IGSF22: variants seen among roughly 807,000 people sequenced by gnomAD.
The protein encoded by IGSF22 is immunoglobulin superfamily member 22.
Under a neutral mutation model 127.0 loss-of-function variants are expected in IGSF22, and 119 were observed. The ratio of observed to expected loss-of-function variants is 0.94; its 90% CI spans 0.81 to 1.09. The LOEUF (loss-of-function observed/expected upper bound fraction) is 1.09, where lower values mean the gene tolerates loss of function less well. IGSF22 is among the 50% of genes least tolerant of loss of function. IGSF22 has a pLI of 0.00. For missense variants in IGSF22, 1,518 were observed against 1,716.6 expected (o/e 0.88, Z 2.04); for synonymous variants, 568 against 664.7 (o/e 0.85, Z 2.24).
chr11:18,713,972 C>T lies in IGSF22; in HGVS notation c.1975G>A (p.Gly659Arg), dbSNP rs200703300. ...ATGGTGAGCAGTGCCTGGTCTTCCC[C>T]GCGCTCCATGGACACGCGTTCCTCC... ...TEEERVSMER[G>R]EDQALLTISN... Residue 659 changes from glycine (G) to arginine (R), a missense_variant, in exon 14 of 23, where the codon GGG becomes AGG. Coordinates refer to ENST00000513874, the MANE Select transcript of IGSF22 (RefSeq NM_173588.4). 3.8e-4 allele frequency: 606 copies of T among 1,614,154 alleles called. No homozygotes were observed. The highest frequency in any genetic ancestry group is 4.7e-4 in the Non-Finnish European group (549 of 1,180,062).
chr11:18,715,829 TGA>T, intron 10 of IGSF22, 113 bp from the exon 11 acceptor site: 1 of 1,143,644 alleles, frequency 8.7e-7, no homozygotes, highest in Non-Finnish European at 1.2e-6. Context: ...CAAGAACTTG[TGA>T]TGCTGAATGT....
chr11:18,720,956 A>C (rs898709315), intron 4 of IGSF22, among the ~76,000 whole-genome samples: 1 of 152,192 alleles, frequency 6.6e-6, no homozygotes, highest in Non-Finnish European at 1.5e-5. Flanking sequence ...GATCATAAGT[A>C]ATTATAGGCC....
chr11:18,715,769 T>A, intron 10 of IGSF22, 53 bp from the exon 11 acceptor site: 1 of 1,560,562 alleles, frequency 6.4e-7, no homozygotes, highest in Middle Eastern at 1.7e-4. Flanking sequence ...ATCTTTTTTC[T>A]GCAGCTATAG....
At position 18,716,504 on chromosome 11, in the gene IGSF22, T is replaced by C. The variant is rs952490396; in HGVS notation, c.1246+224A>G. On this transcript the variant is annotated intron_variant, in intron 10 of 22. Transcript: ENST00000513874. The surrounding 1 kb of genome is among the most constrained non-coding windows in gnomAD (Gnocchi z 4.5). ...AGCTGATAATAAGACCCAGTGTGTC[T>C]TGACTCGTGGAATAATAACTGCTAT... Among the ~76,000 whole-genome samples the C allele has an allele frequency of 1.3e-5, 2 of 152,182 alleles. No individual in the cohort carries two copies. The highest frequency in any genetic ancestry group is 4.8e-5 in the African/African-American group (2 of 41,434).
rs1397563736 is a variant in IGSF22 at position 18,719,835 on chromosome 11, C to G, written c.577G>C (p.Glu193Gln). Residue 193 changes from glutamate to glutamine, a missense_variant, in exon 7 of 23, where the codon GAG (glutamate) becomes CAG (glutamine). By Grantham distance (29) the Glu-to-Gln change is conservative. Coordinates refer to ENST00000513874, the MANE Select transcript of IGSF22 (RefSeq NM_173588.4). ...TTCTTGGGCACTTTGGACAAAATCT[C>G]CAGCATCTCTTTCTCATTTGCCACC... ...KKVANEKEML[E>Q]ILSKVPKKDF... 5 of 1,614,208 alleles carry G rather than the reference C, an allele frequency of 3.1e-6. No individual in the cohort carries two copies. Among genetic ancestry groups the G allele is most frequent in the Middle Eastern group, 1.6e-4 (1 of 6,062 alleles).
At chr11:18,715,260 G>T (rs1848440177) in intron 11 of IGSF22, among the ~76,000 whole-genome samples, 172 bp downstream of exon 11, 1 of 151,986 alleles carries the variant, frequency 6.6e-6, no homozygotes, top group African/African-American at 2.4e-5. Flanking sequence ...GGCATGAGAG[G>T]TCAGAGATGG....
At position 18,714,487 on chromosome 11, in the gene IGSF22, C is replaced by T. The variant is rs752553036; in HGVS notation, c.1656+13G>A. 5 of 1,614,242 alleles carry T rather than the reference C, an allele frequency of 3.1e-6. No homozygotes were observed. Among genetic ancestry groups the T allele is most frequent in the Non-Finnish European group, 4.2e-6 (5 of 1,180,048 alleles). ...TACCTCCTTCACCCCCTTCCCTGGCCTCTGCTTCAGACCTCCTTGCCATCC... is the reference window on the plus strand; with the variant it reads ...TACCTCCTTCACCCCCTTCCCTGGCTTCTGCTTCAGACCTCCTTGCCATCC... On this transcript the variant is annotated intron_variant, in intron 12 of 22. Transcript: ENST00000513874.
rs1441217345 is a variant in IGSF22 at position 18,716,972 on chromosome 11, C to T, written c.1002G>A (p.Met334Ile). ...GGCGCTCTGTCACCTTCACAGGCTT[C>T]ATCTCTCCCAGGAACTTCAGTGGCT... ...LDEPLKFLGE[M>I]KPVKVTERQT... Residue 334 changes from methionine (M) to isoleucine (I), a missense_variant, in exon 10 of 23, where the codon ATG (methionine) becomes ATA (isoleucine). Transcript: ENST00000513874. This position sits in a 1 kb window ranked among gnomAD's most constrained non-coding sequence, Gnocchi z 4.5. 2 of 1,614,220 alleles carry T rather than the reference C, an allele frequency of 1.2e-6. No homozygotes were observed. The highest frequency in any genetic ancestry group is 8.5e-7 in the Non-Finnish European group (1 of 1,180,042).
At chr11:18,714,769 A>C in intron 11 of IGSF22, 145 bp from the exon 12 acceptor site, 2 of 849,966 alleles carry the variant, frequency 2.4e-6, no homozygotes, top group South Asian at 1.6e-5. Context: ...CGGCTTGCCA[A>C]TGTGGTCAAT....
intron 14 of IGSF22, among the ~76,000 whole-genome samples, chr11:18,712,685 G>C (rs1000884315): frequency 6.6e-6 from 1 of 152,176 alleles, no homozygotes; most frequent in African/African-American, 2.4e-5. Context: ...TGAGCTTTGA[G>C]AACACCAGTA....
chr11:18,726,143 C>T lies in IGSF22; in HGVS notation c.-103G>A, dbSNP rs1481163501. 1 of 152,494 alleles carries T rather than the reference C, an allele frequency of 6.6e-6. No individual in the cohort carries two copies. Among genetic ancestry groups the T allele is most frequent in the Non-Finnish European group, 1.5e-5 (1 of 68,282 alleles). 9.4% of individuals were successfully genotyped at this position (152,494 alleles called of 1,614,324 possible). ...ACGGCTTTGGAGGCTCAGCTAGTGC[C>T]TGGACTGTAGGGTGGCCCGTCTCCT... On this transcript the variant is annotated 5_prime_UTR_variant, in exon 1 of 23. Coordinates refer to ENST00000513874, the MANE Select transcript of IGSF22 (RefSeq NM_173588.4).
intron 11 of IGSF22, 33 bp downstream of exon 11, chr11:18,715,399 T>C (rs1848443557): frequency 1.9e-6 from 3 of 1,582,316 alleles, no homozygotes; most frequent in East Asian, 2.3e-5. Flanking sequence ...GTCAGGGGGA[T>C]TGGTCAGTGG....
At chr11:18,714,771 G>A in intron 11 of IGSF22, 147 bp from the exon 12 acceptor site, 2 of 1,053,758 alleles carry the variant, frequency 1.9e-6, no homozygotes, top group Non-Finnish European at 2.7e-6. Context: ...GCTTGCCAAT[G>A]TGGTCAATAG....
chr11:18,717,833 A>C, intron 9 of IGSF22, 98 bp downstream of exon 9: 3 of 1,313,618 alleles, frequency 2.3e-6, no homozygotes, highest in Non-Finnish European at 3.2e-6. Flanking sequence ...ACAGTCCCAT[A>C]GTCCTCTCTT....
chr11:18,715,305 G>T, intron 11 of IGSF22, 127 bp downstream of exon 11: 2 of 882,296 alleles, frequency 2.3e-6, no homozygotes, highest in Non-Finnish European at 3.6e-6. Context: ...TCAGAGTGGG[G>T]AGACACAAGT....
intron 1 of IGSF22, among the ~76,000 whole-genome samples, chr11:18,725,179 T>G (rs940866669): frequency 2.6e-5 from 4 of 151,878 alleles, no homozygotes; most frequent in South Asian, 2.1e-4. Context: ...AGCATTGCGG[T>G]TTTTTTTGGG....
intron 3 of IGSF22, 77 bp from the exon 4 acceptor site, chr11:18,721,748 C>G: frequency 6.2e-7 from 1 of 1,600,018 alleles, no homozygotes. Context: ...CGGCTCTCTG[C>G]CTCCTCCCAG....
In IGSF22 at chr11:18,720,226, A is replaced by G. The variant is rs1455933585; in HGVS notation, c.438T>C (p.His146=). ...GAGATACGGTATAGATGGCATCTGC[A>G]TGGTCATTGCTTGCAATGCACTTAT... ...DNYKCIASND[H]ADAIYTVSLL... is the part of the protein sequence containing the mutation. Residue 146 remains histidine, a synonymous_variant, in exon 5 of 23, where the codon CAT becomes CAC. Transcript: ENST00000513874. 6 of 1,614,210 alleles carry G rather than the reference A, an allele frequency of 3.7e-6. No homozygotes were observed. Among genetic ancestry groups the G allele is most frequent in the Admixed American group, 1.7e-5 (1 of 60,026 alleles).
At chr11:18,724,300 A>C in intron 1 of IGSF22, 31 bp from the exon 2 acceptor site, 1 of 1,148,418 alleles carries the variant, frequency 8.7e-7, no homozygotes, top group Non-Finnish European at 1.3e-6. Flanking sequence ...ATGAAGGACA[A>C]GACAGGGAGT....
Sources: gnomAD v4.1 joint callset for allele counts (sites outside exome capture counted in the v4.1 genomes callset) on GRCh38, gnomAD v4.1.1 for gene constraint, Gnocchi (gnomAD v3.1) non-coding constraint, MANE v1.5 for transcripts, NCBI Gene and HGNC (gene_info 2026-07-23, HGNC 2026-07-21) for gene names.